Variants in ELAVL2 observed in about 807,000 individuals in gnomAD.
ELAVL2 encodes the protein ELAV like RNA binding protein 2.
A neutral mutation model predicts 34.6 loss-of-function variants in ELAVL2; 4 were observed. That is an observed-to-expected ratio of 0.12 (90% confidence interval 0.06 to 0.26). The LOEUF (loss-of-function observed/expected upper bound fraction) is 0.26, where lower values mean the gene tolerates loss of function less well. Among genes scored for constraint, ELAVL2 ranks in the 10% least tolerant of loss-of-function variants. The pLI, the probability that ELAVL2 is intolerant of heterozygous loss-of-function variation, is 1.00. For missense variants in ELAVL2, 432 were observed against 442.8 expected (o/e 0.98, Z 0.22); for synonymous variants, 193 against 154.8 (o/e 1.25, Z -1.83).
intron 2 of ELAVL2, among the ~76,000 whole-genome samples, chr9:23,747,699 A>C (rs963685938): frequency 6.6e-6 from 1 of 152,186 alleles, no homozygotes; most frequent in Non-Finnish European, 1.5e-5. Flanking sequence ...ATTAAGACTT[A>C]CCCATGAAGT....
At chr9:23,801,491 T>C (rs1429786633) in intron 1 of ELAVL2, among the ~76,000 whole-genome samples, 1 of 152,160 alleles carries the variant, frequency 6.6e-6, no homozygotes, top group African/African-American at 2.4e-5. Context: ...CTACTCAGTT[T>C]TCAGACAAGT....
At chr9:23,756,231 AT>A (rs528163758) in intron 2 of ELAVL2, among the ~76,000 whole-genome samples, 60 of 152,206 alleles carry the variant, frequency 3.9e-4, no homozygotes, top group South Asian at 1.2e-3. Flanking sequence ...TTAATAAAAA[AT>A]ATTTTAAGAT....
chr9:23,769,514 A>G (rs562695128), intron 1 of ELAVL2, among the ~76,000 whole-genome samples: 1 of 152,226 alleles, frequency 6.6e-6, no homozygotes, highest in African/African-American at 2.4e-5. Flanking sequence ...AGTTACAGGA[A>G]CAAGCCATTA....
chr9:23,702,070 C>T (rs2037451297), intron 4 of ELAVL2, among the ~76,000 whole-genome samples: 1 of 152,124 alleles, frequency 6.6e-6, no homozygotes, highest in East Asian at 1.9e-4. Flanking sequence ...CAAAGCTATG[C>T]TAAAAATACA....
intron 1 of ELAVL2, among the ~76,000 whole-genome samples, chr9:23,773,390 T>C (rs1035314690): frequency 8.5e-5 from 13 of 152,144 alleles, no homozygotes; most frequent in African/African-American, 1.4e-4. Context: ...TCACCCAGCA[T>C]AGAGCTTCCT....
intron 3 of ELAVL2, among the ~76,000 whole-genome samples, chr9:23,712,452 C>A (rs1197045295): frequency 2.0e-5 from 3 of 151,878 alleles, no homozygotes; most frequent in African/African-American, 2.4e-5. Flanking sequence ...TAAAACACAT[C>A]AAAAAAACTG....
chr9:23,751,234 CAAT>C (rs1226125401), intron 2 of ELAVL2, among the ~76,000 whole-genome samples: 1 of 152,136 alleles, frequency 6.6e-6, no homozygotes, highest in East Asian at 1.9e-4. Context: ...ACAAAAAGTA[CAAT>C]GATGAGAAAA....
intron 2 of ELAVL2, among the ~76,000 whole-genome samples, chr9:23,742,334 G>C (rs1450010559): frequency 6.6e-6 from 1 of 152,182 alleles, no homozygotes; most frequent in African/African-American, 2.4e-5. Context: ...AACTACCACA[G>C]TAAATGGGGA....
intron 5 of ELAVL2, among the ~76,000 whole-genome samples, chr9:23,695,689 T>C (rs1037330412): frequency 3.9e-5 from 6 of 152,164 alleles, no homozygotes; most frequent in Admixed American, 6.5e-5. Context: ...CTGAATACTG[T>C]AGGTAATTCT....
intron 2 of ELAVL2, among the ~76,000 whole-genome samples, chr9:23,759,755 TA>T (rs1245598372): frequency 0.041 from 413 of 10,138 alleles, 4 homozygotes; most frequent in African/African-American, 0.11. Flanking sequence ...TATATAGTAT[TA>T]TATATATATA....
intron 5 of ELAVL2, among the ~76,000 whole-genome samples, chr9:23,694,669 A>G (rs979528727): frequency 3.9e-5 from 6 of 152,266 alleles, no homozygotes; most frequent in Non-Finnish European, 5.9e-5. Flanking sequence ...AACACCTTTT[A>G]GTTTTGTAAA....
intron 1 of ELAVL2, among the ~76,000 whole-genome samples, chr9:23,778,114 T>C (rs1402935557): frequency 2.6e-5 from 4 of 152,038 alleles, no homozygotes; most frequent in Non-Finnish European, 5.9e-5. Context: ...ACTTAAAGTA[T>C]TAAGCATTCA....
intron 1 of ELAVL2, among the ~76,000 whole-genome samples, chr9:23,764,606 CT>C (rs1020960029): frequency 2.4e-4 from 36 of 151,510 alleles, no homozygotes; most frequent in Admixed American, 3.3e-4. Context: ...ACAATTTCAA[CT>C]TTTTTTTTGG....
intron 1 of ELAVL2, among the ~76,000 whole-genome samples, chr9:23,779,860 G>A (rs779952791): frequency 6.6e-6 from 1 of 151,582 alleles, no homozygotes. Flanking sequence ...CAAAACTGTG[G>A]GTTTTATAGG....
chr9:23,808,535 TAGA>T (rs1488507702), intron 1 of ELAVL2, among the ~76,000 whole-genome samples: 2 of 151,788 alleles, frequency 1.3e-5, no homozygotes, highest in Non-Finnish European at 2.9e-5. Flanking sequence ...AAAAACTGAA[TAGA>T]AGGACAATCA....
chr9:23,742,769 G>C (rs1014193900), intron 2 of ELAVL2, among the ~76,000 whole-genome samples: 2 of 152,126 alleles, frequency 1.3e-5, no homozygotes, highest in Non-Finnish European at 2.9e-5. Context: ...TAAATAACGT[G>C]ATTTTTCTTC....
chr9:23,797,640 T>C (rs958247451), intron 1 of ELAVL2, among the ~76,000 whole-genome samples: 1 of 152,176 alleles, frequency 6.6e-6, no homozygotes, highest in African/African-American at 2.4e-5. Flanking sequence ...GAATAAAAAG[T>C]ATGGGATGCG....
At chr9:23,769,585 A>T (rs1217043070) in intron 1 of ELAVL2, among the ~76,000 whole-genome samples, 1 of 152,188 alleles carries the variant, frequency 6.6e-6, no homozygotes, top group Non-Finnish European at 1.5e-5. Flanking sequence ...GTAGCTTTAA[A>T]TGTCAAAGGA....
rs187886816 is a variant in ELAVL2 at position 23,725,474 on chromosome 9, T to G, written c.333+5548A>C. On this transcript the variant is annotated intron_variant, in intron 3 of 6. Transcript: ENST00000397312. ...GCAGGTATTTTAACAGAGGACCTAC[T>G]GGGTGGCAAGCCCTTAGCGTAGCTT... is the stretch of plus-strand genomic sequence containing the variant. Among the ~76,000 whole-genome samples the G allele has an allele frequency of 2.8e-3, 419 of 152,320 alleles. 1 individual carries two copies. The highest frequency in any genetic ancestry group is 6.8e-3 in the Middle Eastern group (2 of 294).
Sources: allele counts gnomAD v4.1 joint callset (sites outside exome capture counted in the v4.1 genomes callset), GRCh38; gene constraint gnomAD v4.1.1; transcripts MANE v1.5; gene names NCBI Gene and HGNC (gene_info 2026-07-23, HGNC 2026-07-21).